FBLN2: variants seen among roughly 807,000 people sequenced by gnomAD.
FBLN2 encodes the protein fibulin-2.
A neutral mutation model predicts 123.7 loss-of-function variants in FBLN2; 81 were observed. The observed-to-expected ratio is 0.65, with a 90% CI of 0.55 to 0.79. The LOEUF (loss-of-function observed/expected upper bound fraction) is 0.79. FBLN2 is among the 30% of genes least tolerant of loss of function. The probability of loss-of-function intolerance (pLI) is 0.00; values close to 1 mark genes in which losing one functional copy is unlikely to be tolerated. For synonymous variants in FBLN2, 699 were observed against 701.4 expected, an observed-to-expected ratio of 1.00 and a Z score of 0.05; for missense variants, 1,603 against 1,681.3, an observed-to-expected ratio of 0.95 and a Z score of 0.81.
chr3:13,569,235 G>A (rs545748777), intron 1 of FBLN2, among the ~76,000 whole-genome samples: 24 of 152,308 alleles, frequency 1.6e-4, no homozygotes, highest in Non-Finnish European at 3.4e-4. Context: ...TCAGGCCTAA[G>A]GGCCTGTGGG....
intron 17 of FBLN2, 148 bp from the exon 18 acceptor site, chr3:13,637,414 G>C (rs1433333905): frequency 1.5e-6 from 1 of 662,412 alleles, no homozygotes; most frequent in Non-Finnish European, 2.5e-6. Context: ...TGAGACCCAG[G>C]GGACGTAAGG....
At chr3:13,613,037 A>C (rs1440378812) in intron 4 of FBLN2, among the ~76,000 whole-genome samples, 1 of 152,164 alleles carries the variant, frequency 6.6e-6, no homozygotes, top group Non-Finnish European at 1.5e-5. Flanking sequence ...TAGATGACCT[A>C]GGATGGCCTT....
chr3:13,563,951 G>C (rs1703675179), intron 1 of FBLN2, among the ~76,000 whole-genome samples: 2 of 152,206 alleles, frequency 1.3e-5, no homozygotes, highest in South Asian at 4.1e-4. Context: ...GAGTGTTCAG[G>C]CTGGTAGAGA....
intron 2 of FBLN2, among the ~76,000 whole-genome samples, chr3:13,598,286 A>G (rs1704912702): frequency 6.6e-6 from 1 of 152,196 alleles, no homozygotes; most frequent in Admixed American, 6.5e-5. Flanking sequence ...TTACGTTCCC[A>G]CTTGTGAAAT....
intron 2 of FBLN2, among the ~76,000 whole-genome samples, chr3:13,605,752 G>A (rs1705182603): frequency 6.6e-6 from 1 of 152,156 alleles, no homozygotes. Flanking sequence ...TGTTGCGTGT[G>A]CTTAACTGTA....
chr3:13,631,215 C>T (rs1706243563), intron 15 of FBLN2, 114 bp from the exon 16 acceptor site: 3 of 1,325,252 alleles, frequency 2.3e-6, no homozygotes, highest in Admixed American at 5.0e-5. Flanking sequence ...CACTTGTCTT[C>T]ATTTAAAAAA....
intron 2 of FBLN2, among the ~76,000 whole-genome samples, chr3:13,573,267 G>C (rs1411745228): frequency 6.6e-6 from 1 of 152,010 alleles, no homozygotes; most frequent in Non-Finnish European, 1.5e-5. Context: ...CTGGCTAAGG[G>C]GCCTTTGCAC....
At position 13,636,509 on chromosome 3, in the gene FBLN2, GGGTAGCTTC is replaced by G. The variant is rs1217682464; in HGVS notation, c.3280_3288del (p.Gly1094_Phe1096del). Reference sequence around the variant, plus strand: ...AGGCTGAGACCTGCCACAACATCCAGGGTAGCTTCCGCTGCCTGCGCTTCGAGTGTCCTC... The same window carrying G: ...AGGCTGAGACCTGCCACAACATCCAGCGCTGCCTGCGCTTCGAGTGTCCTC... On this transcript the variant is annotated inframe_deletion, in exon 17 of 18. Transcript: ENST00000404922. The G allele has an allele frequency of 6.2e-7, 1 of 1,613,778 alleles. No individual in the cohort carries two copies. Among genetic ancestry groups the G allele is most frequent in the East Asian group, 2.2e-5 (1 of 44,868 alleles).
At chr3:13,572,806 G>C (rs1425702411) in intron 2 of FBLN2, among the ~76,000 whole-genome samples, 2 of 152,242 alleles carry the variant, frequency 1.3e-5, no homozygotes, top group Admixed American at 1.3e-4. Context: ...GCCCCCACGA[G>C]GCTGACCCCT....
intron 5 of FBLN2, among the ~76,000 whole-genome samples, chr3:13,616,398 A>G (rs1039773896): frequency 1.3e-5 from 2 of 152,122 alleles, no homozygotes; most frequent in African/African-American, 2.4e-5. Context: ...GGTGAGGGTG[A>G]GCTGAGCCTG....
chr3:13,604,815 A>G (rs1308657146), intron 2 of FBLN2, among the ~76,000 whole-genome samples: 2 of 152,216 alleles, frequency 1.3e-5, no homozygotes, highest in Non-Finnish European at 2.9e-5. Flanking sequence ...TTTACAGAAA[A>G]GGAATGAAAA....
chr3:13,635,063 G>A (rs894134526), intron 16 of FBLN2, among the ~76,000 whole-genome samples: 2 of 152,302 alleles, frequency 1.3e-5, no homozygotes, highest in African/African-American at 2.4e-5. Context: ...TCGCTGCTGT[G>A]TGATCTTGAG....
At chr3:13,630,210 TG>T (rs1706209191) in intron 14 of FBLN2, among the ~76,000 whole-genome samples, 4 of 152,334 alleles carry the variant, frequency 2.6e-5, no homozygotes, top group Middle Eastern at 3.4e-3. Flanking sequence ...GCTGGGTCTC[TG>T]TGTCATCTGT....
intron 1 of FBLN2, among the ~76,000 whole-genome samples, chr3:13,552,260 G>A (rs1031840903): frequency 6.6e-6 from 1 of 152,158 alleles, no homozygotes; most frequent in African/African-American, 2.4e-5. Context: ...AGAGAAGTTG[G>A]GGCTTGGATT....
intron 17 of FBLN2, 133 bp downstream of exon 17, chr3:13,636,701 G>T: frequency 8.8e-7 from 1 of 1,136,380 alleles, no homozygotes; most frequent in Non-Finnish European, 1.2e-6. Flanking sequence ...TGGGTCTGTG[G>T]GCTAGGTGAC....
rs767748387 is a variant in FBLN2 at position 13,618,071 on chromosome 3, C to G, written c.1730-5C>G. 10 of 1,612,718 alleles carry G rather than the reference C, an allele frequency of 6.2e-6. No homozygotes were observed. The highest frequency in any genetic ancestry group is 1.1e-5 in the South Asian group (1 of 91,048). Reference sequence around the variant, plus strand: ...CTCTGTCTTGAGCTCTAACCCCTGTCCTAGTTTCAGAGGCAGAGATGGCGG... The same window carrying G: ...CTCTGTCTTGAGCTCTAACCCCTGTGCTAGTTTCAGAGGCAGAGATGGCGG... On this transcript the variant is annotated splice_polypyrimidine_tract_variant and splice_region_variant and intron_variant, in intron 5 of 17. Coordinates refer to ENST00000404922, the MANE Select transcript of FBLN2 (RefSeq NM_001004019.2).
chr3:13,617,135 CATTCATCA>C (rs1259515045), intron 5 of FBLN2, among the ~76,000 whole-genome samples: 4,897 of 130,300 alleles, frequency 0.038, 240 homozygotes, highest in African/African-American at 0.14. Context: ...TTTGCCCATC[CATTCATCA>C]ATCCATCCAT....
intron 9 of FBLN2, among the ~76,000 whole-genome samples, chr3:13,624,670 C>T (rs1705964053): frequency 6.6e-6 from 1 of 152,236 alleles, no homozygotes; most frequent in Non-Finnish European, 1.5e-5. Flanking sequence ...TGAGAAGTGG[C>T]TCTGATGGTC....
chr3:13,570,305 A>G lies in FBLN2; in HGVS notation c.-41-10A>G, dbSNP rs527766154. The G allele has an allele frequency of 6.8e-7, 1 of 1,465,088 alleles. No individual in the cohort carries two copies. The highest frequency in any genetic ancestry group is 2.6e-5 in the Admixed American group (1 of 37,874). The allele number at this position is 1,465,088 out of a possible 1,614,324, so 90.8% of individuals were successfully genotyped here. On this transcript the variant is annotated splice_polypyrimidine_tract_variant and intron_variant, in intron 1 of 17. Transcript: ENST00000404922. ...CCAGTACTGACAGGCTTCCTTTCTG[A>G]TTCCCCCAGGGTCTTACAGGAGAGG...
Sources: allele counts gnomAD v4.1 joint callset (sites outside exome capture counted in the v4.1 genomes callset), GRCh38; gene constraint gnomAD v4.1.1; transcripts MANE v1.5; gene names NCBI Gene and HGNC (gene_info 2026-07-23, HGNC 2026-07-21).